The following WASL variants were observed in gnomAD, a reference collection of about 807,000 sequenced individuals.
WASL encodes actin nucleation-promoting factor WASL.
Under a neutral mutation model 55.5 loss-of-function variants are expected in WASL, and 20 were observed. That is an observed-to-expected ratio of 0.36 (90% CI 0.25 to 0.52). The LOEUF (loss-of-function observed/expected upper bound fraction) is 0.52. Among genes scored for constraint, WASL ranks in the 20% least tolerant of loss-of-function variants. The probability of loss-of-function intolerance (pLI) is 0.92; values close to 1 mark genes in which losing one functional copy is unlikely to be tolerated. For synonymous variants in WASL, 249 were observed against 217.6 expected, an observed-to-expected ratio of 1.14 and a Z score of -1.27; for missense variants, 504 against 622.5, an observed-to-expected ratio of 0.81 and a Z score of 2.03.
chr7:123,705,644 G>A (rs1803656508), intron 4 of WASL, among the ~76,000 whole-genome samples: 1 of 152,124 alleles, frequency 6.6e-6, no homozygotes, highest in African/African-American at 2.4e-5. Flanking sequence ...GTTCACTGTT[G>A]TCAAGTAATA....
intron 1 of WASL, among the ~76,000 whole-genome samples, chr7:123,739,906 GTGTGTGTGTATA>G (rs768437991): frequency 0.045 from 1,343 of 29,844 alleles, 14 homozygotes; most frequent in South Asian, 0.092. Context: ...GTGTGTGTGT[GTGTGTGTGTATA>G]TATATATATA....
chr7:123,747,862 T>C (rs376654654), intron 1 of WASL, among the ~76,000 whole-genome samples: 122 of 152,182 alleles, frequency 8.0e-4, no homozygotes, highest in African/African-American at 2.9e-3. Flanking sequence ...GGGGTTGGAA[T>C]TGGCCGCACA....
intron 8 of WASL, among the ~76,000 whole-genome samples, chr7:123,694,310 T>G (rs1217547795): frequency 1.3e-5 from 2 of 152,172 alleles, no homozygotes; most frequent in Non-Finnish European, 2.9e-5. Context: ...GGATTTGTAT[T>G]TCAAAATAGA....
At chr7:123,730,921 T>C (rs1804126483) in intron 1 of WASL, among the ~76,000 whole-genome samples, 1 of 152,172 alleles carries the variant, frequency 6.6e-6, no homozygotes, top group Non-Finnish European at 1.5e-5. Flanking sequence ...AGTATCCCAC[T>C]GGTAGTTTTT....
At chr7:123,729,137 A>T (rs1224953592) in intron 1 of WASL, among the ~76,000 whole-genome samples, 1 of 152,194 alleles carries the variant, frequency 6.6e-6, no homozygotes, top group Non-Finnish European at 1.5e-5. Flanking sequence ...AACCAATTTC[A>T]ATTATTTTGT....
intron 1 of WASL, 53 bp downstream of exon 1, chr7:123,748,565 C>A (rs916389521): frequency 1.4e-5 from 23 of 1,589,184 alleles, no homozygotes; most frequent in Non-Finnish European, 1.9e-5. Context: ...GGCCCCCAAG[C>A]CCGGGCCCGT....
intron 1 of WASL, among the ~76,000 whole-genome samples, chr7:123,728,799 G>A (rs1407638646): frequency 1.3e-5 from 2 of 152,170 alleles, no homozygotes; most frequent in African/African-American, 4.8e-5. Context: ...TCGTACCACT[G>A]CACTCCAGCC....
In WASL at chr7:123,683,705, T is replaced by C. The variant is rs188228425; in HGVS notation, c.*814A>G. 10 of 152,172 alleles carry C rather than the reference T, an allele frequency of 6.6e-5. No individual in the cohort carries two copies. The East Asian group carries it at 1.9e-3, about 29-fold the overall frequency. The allele number at this position is 152,172 out of a possible 1,614,324, so 9.4% of individuals were successfully genotyped here. ...TAATATTACCTCAGTTCATGTAGAATGAAAACTACTCCCTAAATCCCTGAA... is the reference window on the plus strand; with the variant it reads ...TAATATTACCTCAGTTCATGTAGAACGAAAACTACTCCCTAAATCCCTGAA... On this transcript the variant is annotated 3_prime_UTR_variant, in exon 11 of 11. Transcript: ENST00000223023.
In WASL at chr7:123,719,266, CAT is replaced by C. The variant is rs543846665; in HGVS notation, c.118-10045_118-10044del. Among the ~76,000 whole-genome samples the C allele has an allele frequency of 1.6e-4, 24 of 152,326 alleles. No homozygotes were observed. The East Asian group carries it at 3.9e-3, about 24-fold the overall frequency. ...TGTGCAGCCTCATTGTCATCTACCA[CAT>C]GATATGCTGAAGTCACATGGGACTG... is the stretch of plus-strand genomic sequence containing the variant. On this transcript the variant is annotated intron_variant, in intron 1 of 10. Transcript: ENST00000223023.
rs1803227575 is a variant in WASL, at chr7:123,683,184, A to C, written c.*1335T>G. The C allele has an allele frequency of 6.6e-6, 1 of 152,086 alleles. No individual in the cohort carries two copies. 9.4% of individuals were successfully genotyped at this position (152,086 alleles called of 1,614,324 possible). Reference sequence around the variant, plus strand: ...TATGCATATTACTCAATGTGAGAAAAATATGTTTGTATTTAAATCAGATAA... The same window carrying C: ...TATGCATATTACTCAATGTGAGAAACATATGTTTGTATTTAAATCAGATAA... On this transcript the variant is annotated 3_prime_UTR_variant, in exon 11 of 11. Transcript: ENST00000223023.
rs548948396 is a variant in WASL, at chr7:123,722,231, T to A, written c.118-13008A>T. On this transcript the variant is annotated intron_variant, in intron 1 of 10. Coordinates refer to ENST00000223023, the MANE Select transcript of WASL (RefSeq NM_003941.4). ...CATAAAAAGTTCTATTGGACAATAA[T>A]GCTCTGGAAAGTCCTAGGGATAATC... 5.3e-5 allele frequency among the ~76,000 whole-genome samples: 8 copies of A among 152,338 alleles called. No homozygotes were observed. In the South Asian group the frequency reaches 1.7e-3, roughly 32 times the overall value.
intron 1 of WASL, among the ~76,000 whole-genome samples, chr7:123,715,577 G>A (rs569717702): frequency 6.6e-6 from 1 of 152,290 alleles, no homozygotes; most frequent in South Asian, 2.1e-4. Flanking sequence ...TAGCAGTATA[G>A]TTATGACAAA....
chr7:123,735,994 T>C (rs111713313), intron 1 of WASL, among the ~76,000 whole-genome samples: 1,928 of 151,964 alleles, frequency 0.013, 17 homozygotes, highest in Non-Finnish European at 0.018. Context: ...CCCTTCAAAC[T>C]AGTAATAAAG....
intron 10 of WASL, 22 bp downstream of exon 10, chr7:123,689,020 C>CTG: frequency 6.4e-7 from 1 of 1,567,536 alleles, no homozygotes; most frequent in East Asian, 2.2e-5. Context: ...CTCTCTCTCT[C>CTG]TCTCTCTCTC....
At chr7:123,700,175 C>CAAA (rs1168168286) in intron 5 of WASL, among the ~76,000 whole-genome samples, 50 of 47,350 alleles carry the variant, frequency 1.1e-3, no homozygotes, top group African/African-American at 2.3e-3. Context: ...AACTCCGTCT[C>CAAA]AAAAAAAAAA....
At chr7:123,748,105 G>A (rs1386566169) in intron 1 of WASL, among the ~76,000 whole-genome samples, 1 of 152,066 alleles carries the variant, frequency 6.6e-6, no homozygotes, top group East Asian at 1.9e-4. Flanking sequence ...AATCCGAAGA[G>A]AGCCCAGGCT....
At position 123,682,139 on chromosome 7, in the gene WASL, A is replaced by G. The variant is rs1007909583; in HGVS notation, c.*2380T>C. On this transcript the variant is annotated 3_prime_UTR_variant, in exon 11 of 11. Transcript: ENST00000223023. Reference sequence around the variant, plus strand: ...TAGCTGAAATTGTCTATCACGTAGCATTTAGATATAAAAAGCCTCATGCTA... The same window carrying G: ...TAGCTGAAATTGTCTATCACGTAGCGTTTAGATATAAAAAGCCTCATGCTA... 9.2e-5 allele frequency: 14 copies of G among 152,148 alleles called. No individual in the cohort carries two copies. The highest frequency in any genetic ancestry group is 3.1e-4 in the African/African-American group (13 of 41,448). The allele number at this position is 152,148 out of a possible 1,614,324, so 9.4% of individuals were successfully genotyped here.
At chr7:123,698,827 T>C (rs1221453291) in intron 5 of WASL, among the ~76,000 whole-genome samples, 1 of 152,178 alleles carries the variant, frequency 6.6e-6, no homozygotes. Context: ...GACATTTATG[T>C]AGTTGTACAA....
At chr7:123,693,248 A>G (rs557191954) in intron 8 of WASL, among the ~76,000 whole-genome samples, 1 of 152,348 alleles carries the variant, frequency 6.6e-6, no homozygotes, top group East Asian at 1.9e-4. Flanking sequence ...AAAAATAAAT[A>G]CCTTCCCTCT....
Sources: gnomAD v4.1 joint callset for allele counts (sites outside exome capture counted in the v4.1 genomes callset) on GRCh38, gnomAD v4.1.1 for gene constraint, MANE v1.5 for transcripts, NCBI Gene and HGNC (gene_info 2026-07-23, HGNC 2026-07-21) for gene names.